Variants in RFTN2 observed in about 807,000 individuals in gnomAD.
The protein encoded by RFTN2 is raftlin-2.
In RFTN2, 34 loss-of-function variants were observed where a neutral mutation model predicts 52.7. That is an observed-to-expected ratio of 0.64 (90% CI 0.49 to 0.86). The LOEUF (loss-of-function observed/expected upper bound fraction) is 0.86. Among genes scored for constraint, RFTN2 ranks in the 40% least tolerant of loss-of-function variants. The pLI is 0.00. For synonymous variants in RFTN2, 203 were observed against 217.7 expected (o/e 0.93, Z 0.59); for missense variants, 536 against 600.1 (o/e 0.89, Z 1.12).
intron 7 of RFTN2, among the ~76,000 whole-genome samples, chr2:197,600,723 T>C (rs905224903): frequency 2.0e-5 from 3 of 152,188 alleles, no homozygotes; most frequent in Non-Finnish European, 2.9e-5. Context: ...AGCCCACATC[T>C]CTTATTCCCT....
chr2:197,629,262 G>T (rs2088420871), intron 5 of RFTN2, among the ~76,000 whole-genome samples: 1 of 152,176 alleles, frequency 6.6e-6, no homozygotes, highest in South Asian at 2.1e-4. Context: ...ATACTATGCA[G>T]CCATAAAAAA....
chr2:197,638,638 C>T (rs2088609562), intron 3 of RFTN2, among the ~76,000 whole-genome samples: 1 of 148,632 alleles, frequency 6.7e-6, no homozygotes, highest in African/African-American at 2.5e-5. Flanking sequence ...TGTGTTTCTG[C>T]ACGTGAGATG....
intron 3 of RFTN2, among the ~76,000 whole-genome samples, chr2:197,637,483 T>C (rs1480597447): frequency 2.6e-5 from 4 of 152,172 alleles, no homozygotes; most frequent in East Asian, 1.9e-4. Context: ...GTGTATGTGT[T>C]GAGGAATTTA....
At chr2:197,649,103 A>G (rs1177925299) in intron 1 of RFTN2, among the ~76,000 whole-genome samples, 6 of 152,242 alleles carry the variant, frequency 3.9e-5, no homozygotes, top group Non-Finnish European at 1.5e-5. Flanking sequence ...AAGATTAGCT[A>G]GTGGAAATAA....
chr2:197,671,110 A>G (rs2089142126), intron 1 of RFTN2, among the ~76,000 whole-genome samples: 1 of 152,082 alleles, frequency 6.6e-6, no homozygotes, highest in African/African-American at 2.4e-5. Context: ...TCTATCAACT[A>G]CTTGTTCAAA....
In RFTN2 at chr2:197,662,559, T is replaced by C. The variant is rs908474208; in HGVS notation, c.139+12761A>G. Among the ~76,000 whole-genome samples the C allele has an allele frequency of 4.6e-5, 7 of 152,294 alleles. No individual in the cohort carries two copies. In the East Asian group the frequency reaches 1.3e-3, roughly 29 times the overall value. ...TGTGATGCTTCCAGCTTTGTTCTTT[T>C]TTTCCTAAAATTTTTTGGCTATTCT... On this transcript the variant is annotated intron_variant, in intron 1 of 8. Transcript: ENST00000295049.
Position 197,571,769 on chromosome 2 carries a change from ATC to A in RFTN2, c.*237_*238del, listed in dbSNP as rs749206060. The A allele has an allele frequency of 1.1e-5, 6 of 533,232 alleles. No homozygotes were observed. The highest frequency in any genetic ancestry group is 1.9e-5 in the African/African-American group (1 of 52,764). 33.0% of individuals were successfully genotyped at this position (533,232 alleles called of 1,614,324 possible). A position where few individuals can be genotyped will look rare whatever the true frequency, so the allele number is the denominator to read the frequency against. On this transcript the variant is annotated 3_prime_UTR_variant, in exon 9 of 9. Transcript: ENST00000295049. ...TTATTGTGTAATAACCGAATGGAACATCTGTTTAACCAGATGTTTTAGTTGAG... is the reference window on the plus strand; with the variant it reads ...TTATTGTGTAATAACCGAATGGAACATGTTTAACCAGATGTTTTAGTTGAG...
chr2:197,583,882 G>T (rs1440657693), intron 8 of RFTN2, among the ~76,000 whole-genome samples: 2 of 151,998 alleles, frequency 1.3e-5, no homozygotes, highest in Non-Finnish European at 2.9e-5. Flanking sequence ...GTGGTGTTTG[G>T]TTTTTTGTCC....
chr2:197,667,728 A>G (rs1287724790), intron 1 of RFTN2, among the ~76,000 whole-genome samples: 1 of 152,120 alleles, frequency 6.6e-6, no homozygotes, highest in Non-Finnish European at 1.5e-5. Flanking sequence ...TGTGATTTCC[A>G]TAGAGGCTTA....
At chr2:197,632,618 A>G (rs948321421) in intron 4 of RFTN2, among the ~76,000 whole-genome samples, 3 of 152,172 alleles carry the variant, frequency 2.0e-5, no homozygotes, top group Non-Finnish European at 4.4e-5. Flanking sequence ...ACATTCCTAT[A>G]CTTTTTACAT....
At chr2:197,623,976 T>C (rs1367448793) in intron 5 of RFTN2, among the ~76,000 whole-genome samples, 1 of 152,044 alleles carries the variant, frequency 6.6e-6, no homozygotes, top group East Asian at 1.9e-4. Flanking sequence ...TTTTTGTGTT[T>C]TCAGTAGAGA....
chr2:197,651,892 A>G (rs931427785), intron 1 of RFTN2, among the ~76,000 whole-genome samples: 1 of 152,238 alleles, frequency 6.6e-6, no homozygotes, highest in Non-Finnish European at 1.5e-5. Context: ...GAAAACCTAA[A>G]AAGCAATGAT....
At chr2:197,644,047 G>GA in intron 3 of RFTN2, 111 bp downstream of exon 3, 2 of 726,392 alleles carry the variant, frequency 2.8e-6, no homozygotes, top group Non-Finnish European at 4.9e-6. Flanking sequence ...AATTCTGGTA[G>GA]AAAAGTTACC....
chr2:197,633,264 C>T (rs928091200), intron 4 of RFTN2, among the ~76,000 whole-genome samples: 1 of 152,220 alleles, frequency 6.6e-6, no homozygotes, highest in Non-Finnish European at 1.5e-5. Flanking sequence ...GCCAGTTTCA[C>T]ATTCTAGTTG....
intron 1 of RFTN2, among the ~76,000 whole-genome samples, chr2:197,662,731 A>T (rs533750852): frequency 6.6e-6 from 1 of 152,136 alleles, no homozygotes; most frequent in African/African-American, 2.4e-5. Context: ...ATCCATGAGC[A>T]TGAGATGTCT....
rs149627584 is a variant in RFTN2 at position 197,585,230 on chromosome 2, T to C, written c.1233+10761A>G. ...AGACTATTCATCCTTACCCTACTTT[T>C]TGCAACAGGGCTTTATGCAATCACC... On this transcript the variant is annotated intron_variant, in intron 8 of 8. Coordinates refer to ENST00000295049, the MANE Select transcript of RFTN2 (RefSeq NM_144629.3). Among the ~76,000 whole-genome samples, 15 of 152,278 alleles carry C rather than the reference T, an allele frequency of 9.9e-5. No homozygotes were observed. In the East Asian group the frequency reaches 2.7e-3, roughly 27 times the overall value.
chr2:197,644,389 A>G (rs1253440062), intron 2 of RFTN2, 117 bp from the exon 3 acceptor site: 7 of 567,364 alleles, frequency 1.2e-5, no homozygotes, highest in Admixed American at 3.5e-5. Flanking sequence ...ATTTTTTATT[A>G]TTTCAAACCT....
intron 7 of RFTN2, among the ~76,000 whole-genome samples, chr2:197,597,225 A>G (rs535981617): frequency 1.7e-3 from 254 of 152,278 alleles, no homozygotes; most frequent in Non-Finnish European, 3.0e-3. Context: ...TTATTTTTGA[A>G]AGGCTGTTTC....
intron 8 of RFTN2, among the ~76,000 whole-genome samples, chr2:197,594,586 C>T (rs1457034843): frequency 5.9e-5 from 9 of 152,230 alleles, no homozygotes. Context: ...CCCACTTCAG[C>T]CTCCCAAAGT....
Sources: allele counts gnomAD v4.1 joint callset (sites outside exome capture counted in the v4.1 genomes callset), GRCh38; gene constraint gnomAD v4.1.1; transcripts MANE v1.5; gene names NCBI Gene and HGNC (gene_info 2026-07-23, HGNC 2026-07-21).